Variants in NOL4L observed in about 807,000 individuals in gnomAD.
The protein encoded by NOL4L is nucleolar protein 4-like.
In NOL4L, 7 loss-of-function variants were observed where a neutral mutation model predicts 64.5. The ratio of observed to expected loss-of-function variants is 0.11; its 90% confidence interval spans 0.06 to 0.20. The LOEUF (loss-of-function observed/expected upper bound fraction) is 0.20. Ranked by LOEUF, NOL4L falls within the 10% of genes least tolerant of loss-of-function variation. The pLI, the probability that NOL4L is intolerant of heterozygous loss-of-function variation, is 1.00. For synonymous variants in NOL4L, 413 were observed against 401.0 expected, an observed-to-expected ratio of 1.03 and a Z score of -0.36; for missense variants, 680 against 967.1, an observed-to-expected ratio of 0.70 and a Z score of 3.94.
chr20:32,567,871 T>G (rs1479927710), intron 1 of NOL4L, among the ~76,000 whole-genome samples: 2 of 151,412 alleles, frequency 1.3e-5, no homozygotes, highest in African/African-American at 4.9e-5. Context: ...ACACCACCAT[T>G]GTCATCACCA....
intron 1 of NOL4L, among the ~76,000 whole-genome samples, chr20:32,528,145 A>G (rs2018205950): frequency 6.6e-6 from 1 of 152,216 alleles, no homozygotes; most frequent in African/African-American, 2.4e-5. Context: ...GACAACGAAA[A>G]TACAAATTAA....
At chr20:32,570,663 T>G (rs937879257) in intron 1 of NOL4L, among the ~76,000 whole-genome samples, 5 of 152,316 alleles carry the variant, frequency 3.3e-5, no homozygotes, top group Admixed American at 1.3e-4. Flanking sequence ...TCTCAAGGTC[T>G]GGGGCCACTG....
intron 1 of NOL4L, among the ~76,000 whole-genome samples, chr20:32,540,738 G>A (rs181685647): frequency 9.5e-4 from 145 of 152,224 alleles, no homozygotes; most frequent in Non-Finnish European, 1.8e-3. Flanking sequence ...GAGTGAATGT[G>A]TGGAAAGCCC....
intron 4 of NOL4L, among the ~76,000 whole-genome samples, chr20:32,487,280 A>G (rs1244246643): frequency 6.6e-6 from 1 of 152,044 alleles, no homozygotes; most frequent in Non-Finnish European, 1.5e-5. Flanking sequence ...AAAAAAATTA[A>G]AGAGAGAGAA....
At chr20:32,518,365 G>A (rs941835929) in intron 3 of NOL4L, among the ~76,000 whole-genome samples, 10 of 152,246 alleles carry the variant, frequency 6.6e-5, no homozygotes, top group African/African-American at 1.9e-4. Context: ...CCCTGGGGGT[G>A]GGGTGTGGTG....
intron 1 of NOL4L, 52 bp from the exon 2 acceptor site, chr20:32,527,965 G>C: frequency 7.1e-7 from 1 of 1,412,596 alleles, no homozygotes; most frequent in Non-Finnish European, 9.4e-7. Context: ...GGCGGGGTGA[G>C]AACTGGGCCC....
intron 1 of NOL4L, among the ~76,000 whole-genome samples, chr20:32,567,915 C>T (rs1433292658): frequency 6.7e-6 from 1 of 148,740 alleles, no homozygotes; most frequent in Admixed American, 6.6e-5. Context: ...ACCATCATTA[C>T]CACCACCATC....
intron 4 of NOL4L, among the ~76,000 whole-genome samples, chr20:32,481,966 G>GGGT (rs1555794896): frequency 1.4e-5 from 2 of 146,478 alleles, no homozygotes; most frequent in Non-Finnish European, 3.0e-5. Flanking sequence ...GGGCGGGGCG[G>GGGT]GGGGGGGGGA....
intron 4 of NOL4L, among the ~76,000 whole-genome samples, chr20:32,475,545 G>A (rs903812928): frequency 6.6e-6 from 1 of 152,254 alleles, no homozygotes; most frequent in African/African-American, 2.4e-5. Flanking sequence ...GAACCCCCGG[G>A]GCGGGGCCCC....
At chr20:32,563,431 C>T (rs1479662071) in intron 1 of NOL4L, among the ~76,000 whole-genome samples, 2 of 151,950 alleles carry the variant, frequency 1.3e-5, no homozygotes, top group Non-Finnish European at 2.9e-5. Context: ...CATAGAGGAC[C>T]GAAAGGAGAT....
chr20:32,480,811 G>A (rs1265132745), intron 4 of NOL4L, among the ~76,000 whole-genome samples: 1 of 152,204 alleles, frequency 6.6e-6, no homozygotes, highest in African/African-American at 2.4e-5. Flanking sequence ...AGGGTGGTCT[G>A]AGCCACAGCT....
chr20:32,538,195 C>T (rs1200785758), intron 1 of NOL4L, among the ~76,000 whole-genome samples: 2 of 152,218 alleles, frequency 1.3e-5, no homozygotes, highest in Non-Finnish European at 2.9e-5. Flanking sequence ...CAAGACCATT[C>T]AGGTGCGAGG....
At chr20:32,501,771 T>C (rs1205936300) in intron 4 of NOL4L, among the ~76,000 whole-genome samples, 1 of 152,062 alleles carries the variant, frequency 6.6e-6, no homozygotes, top group Non-Finnish European at 1.5e-5. Context: ...CAGAAGCGAT[T>C]TGAAGAAAAA....
chr20:32,494,277 A>AC (rs2016592432), intron 4 of NOL4L, among the ~76,000 whole-genome samples: 6 of 79,776 alleles, frequency 7.5e-5, no homozygotes, highest in Non-Finnish European at 1.1e-4. Context: ...AAAAAAAAAA[A>AC]AAAAACACAC....
At chr20:32,545,042 G>T (rs759999912) in intron 1 of NOL4L, among the ~76,000 whole-genome samples, 43 of 152,174 alleles carry the variant, frequency 2.8e-4, no homozygotes, top group Admixed American at 5.2e-4. Context: ...GAGGTCTCAG[G>T]CCAAGTGGGG....
chr20:32,567,847 CCACCATCACCATCACACCACCATTGTCAT>C (rs1979520339), intron 1 of NOL4L, among the ~76,000 whole-genome samples: 2 of 152,036 alleles, frequency 1.3e-5, no homozygotes, highest in South Asian at 4.1e-4. Flanking sequence ...ATCACACACA[CCACCATCACCATCACACCACCATTGTCAT>C]CACCACCACC....
Position 32,447,484 on chromosome 20 carries a change from T to C in NOL4L, c.*112A>G, listed in dbSNP as rs984888906. On this transcript the variant is annotated 3_prime_UTR_variant, in exon 11 of 11. Transcript: ENST00000621426. The stretch of plus-strand genomic sequence containing the variant: ...TGGAGTGTGGCTAGAAACAGCTCTT[T>C]TGGATCCCACCTCTTTCAAAAACAA... 2 of 1,437,632 alleles carry C rather than the reference T, an allele frequency of 1.4e-6. No homozygotes were observed. Among genetic ancestry groups the C allele is most frequent in the African/African-American group, 2.9e-5 (2 of 69,938 alleles). 89.1% of individuals were successfully genotyped at this position (1,437,632 alleles called of 1,614,324 possible). A position where few individuals can be genotyped will look rare whatever the true frequency, so the allele number is the denominator to read the frequency against.
At chr20:32,471,130 C>T (rs1337696898) in intron 5 of NOL4L, among the ~76,000 whole-genome samples, 2 of 152,322 alleles carry the variant, frequency 1.3e-5, no homozygotes, top group African/African-American at 4.8e-5. Flanking sequence ...GACAAGCAGA[C>T]ACTCACCCCG....
At chr20:32,483,415 C>A (rs2015873998) in intron 4 of NOL4L, 10 of 986,596 alleles carry the variant, frequency 1.0e-5, no homozygotes, top group African/African-American at 1.8e-5. Context: ...GTGAGCGGGG[C>A]GGGCGGCGGT....
Sources: allele counts gnomAD v4.1 joint callset (sites outside exome capture counted in the v4.1 genomes callset), GRCh38; gene constraint gnomAD v4.1.1; transcripts MANE v1.5; gene names NCBI Gene and HGNC (gene_info 2026-07-23, HGNC 2026-07-21).